Variants in EXD2 observed in about 807,000 individuals in gnomAD.
The protein encoded by EXD2 is exonuclease 3'-5' domain-containing protein 2.
EXD2 carries 40 observed loss-of-function variants against 62.5 expected under a neutral mutation model. The observed-to-expected ratio is 0.64, with a 90% CI of 0.50 to 0.83. The LOEUF (loss-of-function observed/expected upper bound fraction) is 0.83, where lower values mean the gene tolerates loss of function less well. EXD2 is among the 40% of genes least tolerant of loss of function. The pLI, the probability that EXD2 is intolerant of heterozygous loss-of-function variation, is 0.00. For synonymous variants in EXD2, 239 were observed against 291.9 expected (o/e 0.82, Z 1.85); for missense variants, 671 against 761.8 (o/e 0.88, Z 1.40).
chr14:69,196,184 C>G (rs1029023756), intron 1 of EXD2: 2 of 152,228 alleles, frequency 1.3e-5, no homozygotes, highest in African/African-American at 4.8e-5. Context: ...CAGCGTAAGC[C>G]TGTTTCTTCT....
rs1377960254 is a variant in EXD2, at chr14:69,243,305, CAA to C, written c.*2207_*2208del. 2 of 152,134 alleles carry C rather than the reference CAA, an allele frequency of 1.3e-5. No individual in the cohort carries two copies. Among genetic ancestry groups the C allele is most frequent in the African/African-American group, 4.8e-5 (2 of 41,432 alleles). The allele number at this position is 152,134 out of a possible 1,614,324, so 9.4% of individuals were successfully genotyped here. On this transcript the variant is annotated 3_prime_UTR_variant, in exon 10 of 10. Transcript: ENST00000685843. ...AATGCTCATTACAGAAGAATCTAAACAAAGAATAAAAATTAGCCATCTTCTCT... is the reference window on the plus strand; with the variant it reads ...AATGCTCATTACAGAAGAATCTAAACAGAATAAAAATTAGCCATCTTCTCT...
At chr14:69,192,934 G>T (rs779774825) in intron 1 of EXD2, among the ~76,000 whole-genome samples, 1 of 152,136 alleles carries the variant, frequency 6.6e-6, no homozygotes, top group Non-Finnish European at 1.5e-5. Context: ...CTCTGTGAGA[G>T]CCCATGTGAG....
rs1242477071 is a variant in EXD2, at chr14:69,234,847, G to A, written c.865G>A (p.Asp289Asn). 12 of 1,614,058 alleles carry A rather than the reference G, an allele frequency of 7.4e-6. No individual in the cohort carries two copies. Among genetic ancestry groups the A allele is most frequent in the South Asian group, 1.1e-5 (1 of 91,084 alleles). Residue 289 changes from aspartate to asparagine, a missense_variant, in exon 6 of 10, where the codon GAC (aspartate) becomes AAC (asparagine). Transcript: ENST00000685843. Reference sequence around the variant, plus strand: ...CTTGGAAAAATGCCAGGGTGTGGTCGACATCCCATTTCGAAGCAAAGGAAT... The same window carrying A: ...CTTGGAAAAATGCCAGGGTGTGGTCAACATCCCATTTCGAAGCAAAGGAAT... ...KVLEKCQGVV[D>N]IPFRSKGMSR...
chr14:69,200,549 C>CA (rs913692163), intron 1 of EXD2, among the ~76,000 whole-genome samples: 29 of 146,696 alleles, frequency 2.0e-4, no homozygotes, highest in Middle Eastern at 3.5e-3. Flanking sequence ...AAAAATAATA[C>CA]AAAAAAAAAA....
chr14:69,230,675 C>T (rs1285667439), intron 5 of EXD2, 77 bp downstream of exon 5: 5 of 1,492,530 alleles, frequency 3.4e-6, no homozygotes, highest in African/African-American at 1.4e-5. Flanking sequence ...TTCGAATTCT[C>T]AAATATAGTA....
rs537752586 is a variant in EXD2 at position 69,229,051 on chromosome 14, G to A, written c.569G>A (p.Arg190Gln). ...GLVVRGCLDL[R>Q]YLAMRQRNNL... ...GTTGTTAGGGGGTGCCTGGACCTCC[G>A]ATACCTAGCCATGCGGCAGAGGTGT... The change falls in exon 4 of 10, where the codon CGA becomes CAA. Residue 190 changes from arginine to glutamine, a missense_variant. By Grantham distance (43) the Arg-to-Gln change is conservative. Coordinates refer to ENST00000685843, the MANE Select transcript of EXD2 (RefSeq NM_001193360.2). 2.0e-5 allele frequency: 32 copies of A among 1,614,180 alleles called. No homozygotes were observed. In the East Asian group the frequency reaches 2.5e-4, roughly 12 times the overall value.
chr14:69,230,743 A>G, intron 5 of EXD2, 145 bp downstream of exon 5: 1 of 888,226 alleles, frequency 1.1e-6, no homozygotes, highest in Non-Finnish European at 1.6e-6. Flanking sequence ...ACTCCAGCTA[A>G]CTGGTCTACA....
chr14:69,195,249 C>T (rs926888608), intron 1 of EXD2, among the ~76,000 whole-genome samples: 1 of 150,564 alleles, frequency 6.6e-6, no homozygotes, highest in African/African-American at 2.4e-5. Context: ...TGAGGTCTCA[C>T]TCTGTCACTC....
rs1339619368 is a variant in EXD2, at chr14:69,234,742, T to C, written c.760T>C (p.Phe254Leu). 6 of 1,613,836 alleles carry C rather than the reference T, an allele frequency of 3.7e-6. No individual in the cohort carries two copies. The highest frequency in any genetic ancestry group is 4.2e-6 in the Non-Finnish European group (5 of 1,179,938). Residue 254 changes from phenylalanine (F) to leucine (L), a missense_variant, in exon 6 of 10, where the codon TTT (phenylalanine) becomes CTT (leucine). By Grantham distance (22) the Phe-to-Leu change is conservative (BLOSUM62 0). Coordinates refer to ENST00000685843, the MANE Select transcript of EXD2 (RefSeq NM_001193360.2). ...GGATGCCCAGATTTCAGTGGCTCTC[T>C]TTCTTCATCTTCTTGGATACCCTTT... The part of the protein sequence containing the change: ...ARDAQISVAL[F>L]LHLLGYPFSR...
intron 2 of EXD2, among the ~76,000 whole-genome samples, chr14:69,208,473 G>T (rs1239040059): frequency 6.6e-6 from 1 of 152,148 alleles, no homozygotes; most frequent in Non-Finnish European, 1.5e-5. Flanking sequence ...GCCTCCCAAA[G>T]TGCTGGGATT....
At chr14:69,229,175 T>C (rs777676517) in intron 4 of EXD2, 103 bp downstream of exon 4, 2 of 1,448,732 alleles carry the variant, frequency 1.4e-6, no homozygotes, top group Non-Finnish European at 1.9e-6. Context: ...TGAAATTGTA[T>C]AGGAGCCTAG....
In EXD2 at chr14:69,236,526, A is replaced by G. The variant is rs552080663; in HGVS notation, c.1276A>G (p.Arg426Gly). Residue 426 changes from arginine to glycine, a missense_variant, in exon 8 of 10, where the codon AGA (arginine) becomes GGA (glycine). Coordinates refer to ENST00000685843, the MANE Select transcript of EXD2 (RefSeq NM_001193360.2). ...KENLCVVCGK[R>G]DSYIRKNVIP... ...GAACCTGTGTGTAGTGTGTGGCAAG[A>G]GAGACTCCTACATTCGGTGAGTGCA... 1.6e-5 allele frequency: 26 copies of G among 1,614,182 alleles called. No homozygotes were observed. In the Admixed American group the frequency reaches 4.0e-4, roughly 25 times the overall value.
At position 69,241,466 on chromosome 14, in the gene EXD2, G is replaced by C. The variant is rs888177313; in HGVS notation, c.*366G>C. 4 of 260,418 alleles carry C rather than the reference G, an allele frequency of 1.5e-5. No homozygotes were observed. Among genetic ancestry groups the C allele is most frequent in the African/African-American group, 8.8e-5 (4 of 45,538 alleles). The allele number at this position is 260,418 out of a possible 1,614,324, so 16.1% of individuals were successfully genotyped here. A position where few individuals can be genotyped will look rare whatever the true frequency, so the allele number is the denominator to read the frequency against. On this transcript the variant is annotated 3_prime_UTR_variant, in exon 10 of 10. Transcript: ENST00000685843. ...TTTTAATGCATTTCTTCCTTGTCTA[G>C]TGCCTCGGTTTATCTCTAACAGGGG...
intron 3 of EXD2, among the ~76,000 whole-genome samples, chr14:69,215,853 T>C (rs1394464872): frequency 6.6e-6 from 1 of 152,010 alleles, no homozygotes; most frequent in Non-Finnish European, 1.5e-5. Flanking sequence ...TATCGAGTTG[T>C]CTTTATAGAA....
chr14:69,193,931 C>G (rs532680548), intron 1 of EXD2, among the ~76,000 whole-genome samples: 1 of 152,230 alleles, frequency 6.6e-6, no homozygotes, highest in African/African-American at 2.4e-5. Context: ...AAGCTTCCCA[C>G]AACAAAGAAT....
In EXD2 at chr14:69,228,888, G is replaced by A. The variant is rs745319560; in HGVS notation, c.406G>A (p.Val136Ile). Residue 136 changes from valine to isoleucine, a missense_variant, in exon 4 of 10, where the codon GTT becomes ATT. Physicochemically the swap from Val to Ile is conservative, Grantham distance 29. Transcript: ENST00000685843. ...CTCCCCAAGTGGCCTGTGTGTCTTGGTTCGCCTGCCCAAGCTAATCTGTGG... is the reference window on the plus strand; with the variant it reads ...CTCCCCAAGTGGCCTGTGTGTCTTGATTCGCCTGCCCAAGCTAATCTGTGG... ...MASPSGLCVL[V>I]RLPKLICGGK... 4 of 1,614,168 alleles carry A rather than the reference G, an allele frequency of 2.5e-6. No homozygotes were observed. Among genetic ancestry groups the A allele is most frequent in the Non-Finnish European group, 3.4e-6 (4 of 1,180,042 alleles).
At chr14:69,238,599 G>GT (rs556113895) in intron 9 of EXD2, among the ~76,000 whole-genome samples, 7,103 of 131,082 alleles carry the variant, frequency 0.054, 172 homozygotes, top group African/African-American at 0.075. Flanking sequence ...AGTACAGATA[G>GT]TTTTTTTTTT....
rs185182829 is a variant in EXD2 at position 69,233,465 on chromosome 14, C to T, written c.718-1235C>T. On this transcript the variant is annotated intron_variant, in intron 5 of 9. Transcript: ENST00000685843. ...ATTTTGAGATGGAGTCCCACTCTGT[C>T]GCTCAGGCTGGAGTGCAGTGGTGCG... Among the ~76,000 whole-genome samples the T allele has an allele frequency of 4.6e-5, 7 of 151,990 alleles. No homozygotes were observed. The East Asian group carries it at 9.7e-4, about 21-fold the overall frequency.
chr14:69,234,565 A>G, intron 5 of EXD2, 135 bp from the exon 6 acceptor site: 1 of 687,720 alleles, frequency 1.5e-6, no homozygotes, highest in East Asian at 2.8e-5. Context: ...AGTTTTAAGG[A>G]AGTGTATGGT....
Sources: gnomAD v4.1 joint callset for allele counts (sites outside exome capture counted in the v4.1 genomes callset) on GRCh38, gnomAD v4.1.1 for gene constraint, MANE v1.5 for transcripts, NCBI Gene and HGNC (gene_info 2026-07-23, HGNC 2026-07-21) for gene names.